ESR1: variants seen among roughly 807,000 people sequenced by gnomAD.
The protein encoded by ESR1 is estrogen receptor 1, also known as estrogen receptor.
ESR1 carries 12 observed loss-of-function variants against 52.7 expected under a neutral mutation model. The ratio of observed to expected loss-of-function variants is 0.23; its 90% CI spans 0.15 to 0.37. The LOEUF is 0.37. ESR1 is among the 10% of genes least tolerant of loss of function. ESR1 has a pLI of 1.00. For missense variants in ESR1, 584 were observed against 779.7 expected (o/e 0.75, Z 2.99); for synonymous variants, 305 against 316.8 (o/e 0.96, Z 0.39).
chr6:151,768,041 T>C (rs976851815), intron 2 of ESR1, among the ~76,000 whole-genome samples: 7 of 152,310 alleles, frequency 4.6e-5, no homozygotes, highest in Admixed American at 4.6e-4. Context: ...CAATAATTAT[T>C]TGAAGCAAGA....
intron 2 of ESR1, among the ~76,000 whole-genome samples, chr6:151,778,603 G>A (rs1786240251): frequency 6.6e-6 from 1 of 151,540 alleles, no homozygotes. Context: ...ATGGGGTTTT[G>A]CCATGTTGGC....
At chr6:151,965,681 T>C (rs2038190817) in intron 4 of ESR1, among the ~76,000 whole-genome samples, 1 of 152,138 alleles carries the variant, frequency 6.6e-6, no homozygotes, top group South Asian at 2.1e-4. Flanking sequence ...AATAAACCTA[T>C]ATTTTTGACT....
intron 1 of ESR1, among the ~76,000 whole-genome samples, chr6:151,666,472 C>G (rs964149328): frequency 6.6e-6 from 1 of 152,156 alleles, no homozygotes; most frequent in African/African-American, 2.4e-5. Flanking sequence ...ACAGAAGTAC[C>G]CACAGCTCCT....
chr6:152,000,244 T>C (rs953956206), intron 4 of ESR1, among the ~76,000 whole-genome samples: 1 of 152,110 alleles, frequency 6.6e-6, no homozygotes, highest in Non-Finnish European at 1.5e-5. Context: ...AAAATATCCA[T>C]AGAGCATACA....
At chr6:151,949,447 A>G (rs1315329278) in intron 4 of ESR1, among the ~76,000 whole-genome samples, 2 of 152,190 alleles carry the variant, frequency 1.3e-5, no homozygotes, top group African/African-American at 4.8e-5. Context: ...CCTGCTCTCA[A>G]ACTGTTGTGG....
intron 2 of ESR1, among the ~76,000 whole-genome samples, chr6:151,739,382 G>C (rs576524046): frequency 6.6e-6 from 1 of 152,270 alleles, no homozygotes; most frequent in East Asian, 1.9e-4. Context: ...CAGGGTACAG[G>C]TTCTTTTCTG....
intron 1 of ESR1, among the ~76,000 whole-genome samples, chr6:151,835,828 G>T (rs906949716): frequency 6.6e-6 from 1 of 151,758 alleles, no homozygotes; most frequent in Non-Finnish European, 1.5e-5. Context: ...GAGTTTCCCG[G>T]TTTATCACTC....
intron 5 of ESR1, among the ~76,000 whole-genome samples, chr6:152,052,120 G>C (rs968469201): frequency 6.6e-6 from 1 of 152,176 alleles, no homozygotes; most frequent in African/African-American, 2.4e-5. Flanking sequence ...GGCAAAGAGA[G>C]AGCAGGCGTT....
intron 3 of ESR1, among the ~76,000 whole-genome samples, chr6:151,941,744 G>T (rs2035090385): frequency 6.6e-6 from 1 of 152,120 alleles, no homozygotes; most frequent in Admixed American, 6.6e-5. Flanking sequence ...TCCTATGATG[G>T]CAGCTTCTAT....
At chr6:151,952,129 A>G (rs1486107480) in intron 4 of ESR1, among the ~76,000 whole-genome samples, 2 of 152,238 alleles carry the variant, frequency 1.3e-5, no homozygotes, top group Non-Finnish European at 2.9e-5. Context: ...TCAGGTGGAC[A>G]TGAATATTAG....
At chr6:151,828,935 A>C (rs539899750) in intron 1 of ESR1, among the ~76,000 whole-genome samples, 47 of 152,262 alleles carry the variant, frequency 3.1e-4, no homozygotes, top group African/African-American at 1.1e-3. Flanking sequence ...CTTTGACCTC[A>C]CTTACTGTAG....
chr6:151,729,399 T>C (rs1055995782), intron 2 of ESR1, among the ~76,000 whole-genome samples: 1 of 152,186 alleles, frequency 6.6e-6, no homozygotes, highest in Non-Finnish European at 1.5e-5. Flanking sequence ...CTGAATGGAC[T>C]AAGGCATTAT....
rs552258930 is a variant in ESR1 at position 151,911,410 on chromosome 6, A to G, written c.760+30639A>G. Among the ~76,000 whole-genome samples, 3 of 152,290 alleles carry G rather than the reference A, an allele frequency of 2.0e-5. No homozygotes were observed. In the South Asian group the frequency reaches 6.2e-4, roughly 32 times the overall value. On this transcript the variant is annotated intron_variant, in intron 3 of 7. Transcript: ENST00000206249. The stretch of plus-strand genomic sequence containing the variant: ...TTTCTTTACTGTATTTTCAATAACT[A>G]TATTAATGGGTTCAGTTGTTACTAG...
intron 5 of ESR1, among the ~76,000 whole-genome samples, chr6:152,052,468 A>G (rs574191742): frequency 3.9e-5 from 6 of 152,338 alleles, no homozygotes; most frequent in African/African-American, 1.2e-4. Context: ...TATTTACAAA[A>G]TAAATAAATA....
intron 1 of ESR1, among the ~76,000 whole-genome samples, chr6:151,835,509 A>G (rs1783181980): frequency 6.6e-6 from 1 of 152,212 alleles, no homozygotes; most frequent in South Asian, 2.1e-4. Flanking sequence ...GTGTCTAACT[A>G]GATGTCATGA....
At chr6:151,768,641 A>G (rs1785254115) in intron 2 of ESR1, among the ~76,000 whole-genome samples, 1 of 152,230 alleles carries the variant, frequency 6.6e-6, no homozygotes, top group South Asian at 2.1e-4. Flanking sequence ...TGCTATATGC[A>G]ACTTACTCTC....
chr6:151,797,982 CTT>C (rs1236543186), intron 2 of ESR1, among the ~76,000 whole-genome samples: 5 of 152,158 alleles, frequency 3.3e-5, no homozygotes, highest in African/African-American at 1.2e-4. Flanking sequence ...AAACTGCAGA[CTT>C]AAATTAAGAC....
At chr6:151,945,248 G>A (rs901215149) in intron 4 of ESR1, among the ~76,000 whole-genome samples, 1 of 152,106 alleles carries the variant, frequency 6.6e-6, no homozygotes, top group Admixed American at 6.5e-5. Context: ...CACAAAAAAA[G>A]AGAAAGATCT....
upstream of ESR1, chr6:151,804,805 G>T (rs983665296): frequency 1.3e-5 from 2 of 152,200 alleles, no homozygotes; most frequent in African/African-American, 4.8e-5. Flanking sequence ...CCTCCATTGG[G>T]TGTCATGTGT....
Sources: allele counts gnomAD v4.1 joint callset (sites outside exome capture counted in the v4.1 genomes callset), GRCh38; gene constraint gnomAD v4.1.1; transcripts MANE v1.5; gene names NCBI Gene and HGNC (gene_info 2026-07-23, HGNC 2026-07-21).